CSMD1: variants seen among roughly 807,000 people sequenced by gnomAD.
CSMD1 encodes the protein CUB and Sushi multiple domains 1, also known as CUB and sushi domain-containing protein 1.
A neutral mutation model predicts 417.5 loss-of-function variants in CSMD1; 213 were observed. The ratio of observed to expected loss-of-function variants is 0.51; its 90% CI spans 0.46 to 0.57. The LOEUF (loss-of-function observed/expected upper bound fraction) is 0.57, where lower values mean the gene tolerates loss of function less well. Ranked by LOEUF, CSMD1 falls within the 20% of genes least tolerant of loss-of-function variation. CSMD1 has a pLI of 0.00. For missense variants in CSMD1, 6,923 were observed against 4,529.7 expected (o/e 1.53, Z -15.17); for synonymous variants, 2,862 against 1,736.8 (o/e 1.65, Z -16.11).
intron 3 of CSMD1, among the ~76,000 whole-genome samples, chr8:4,315,250 A>G (rs1798855433): frequency 6.6e-6 from 1 of 152,158 alleles, no homozygotes; most frequent in Admixed American, 6.5e-5. Context: ...CTTGAAGACC[A>G]GAGTGAGGTA....
At chr8:3,486,568 G>C (rs1298176807) in intron 11 of CSMD1, among the ~76,000 whole-genome samples, 2 of 152,190 alleles carry the variant, frequency 1.3e-5, no homozygotes, top group Non-Finnish European at 2.9e-5. Flanking sequence ...CTACACCTGT[G>C]ATAGAACAGC....
At chr8:3,211,915 C>G (rs756814548) in intron 30 of CSMD1, among the ~76,000 whole-genome samples, 6 of 152,186 alleles carry the variant, frequency 3.9e-5, no homozygotes, top group Admixed American at 6.5e-5. Flanking sequence ...GGTGGCAAGA[C>G]AAGAGGGGGT....
chr8:4,299,548 T>C (rs1797869522), intron 3 of CSMD1, among the ~76,000 whole-genome samples: 2 of 152,236 alleles, frequency 1.3e-5, no homozygotes, highest in Non-Finnish European at 2.9e-5. Context: ...AATCAGTTTC[T>C]AGCTTCTCAT....
chr8:3,680,182 G>C (rs1346448962), intron 7 of CSMD1, among the ~76,000 whole-genome samples: 2 of 151,964 alleles, frequency 1.3e-5, no homozygotes, highest in South Asian at 4.1e-4. Flanking sequence ...AAACAACTCA[G>C]ATCAGAGCAG....
chr8:4,973,423 C>T (rs13282478), intron 1 of CSMD1, among the ~76,000 whole-genome samples: 38,651 of 151,910 alleles, frequency 0.25, 6,232 homozygotes, highest in Non-Finnish European at 0.37. Flanking sequence ...CATTACTTTC[C>T]CCAGTATGGG....
chr8:3,199,709 C>T lies in CSMD1; in HGVS notation c.5194+5G>A. 1.3e-6 allele frequency: 2 copies of T among 1,573,622 alleles called. No individual in the cohort carries two copies. The highest frequency in any genetic ancestry group is 1.7e-6 in the Non-Finnish European group (2 of 1,157,370). ...ACATGTGGAGACATGTGGAGTGACG[C>T]TTACCTTGATACACGAAGTGGAAGC... is the stretch of plus-strand genomic sequence containing the variant. On this transcript the variant is annotated splice_donor_5th_base_variant and intron_variant, in intron 33 of 69. Transcript: ENST00000635120.
At chr8:3,428,009 C>A (rs184229129) in intron 12 of CSMD1, among the ~76,000 whole-genome samples, 2 of 152,190 alleles carry the variant, frequency 1.3e-5, no homozygotes, top group African/African-American at 4.8e-5. Flanking sequence ...CCATGAAGAA[C>A]ATAGTAACTT....
intron 2 of CSMD1, among the ~76,000 whole-genome samples, chr8:4,540,322 A>T (rs551900276): frequency 6.6e-6 from 1 of 152,168 alleles, no homozygotes; most frequent in South Asian, 2.1e-4. Context: ...CCACTAAAAA[A>T]CTTTTCCATG....
At chr8:4,932,159 A>G (rs1807290854) in intron 1 of CSMD1, among the ~76,000 whole-genome samples, 1 of 152,214 alleles carries the variant, frequency 6.6e-6, no homozygotes. Flanking sequence ...AATTGATTAC[A>G]GCAATAGAGA....
chr8:4,830,372 G>GA (rs1800080014), intron 1 of CSMD1, among the ~76,000 whole-genome samples: 1 of 149,004 alleles, frequency 6.7e-6, no homozygotes, highest in African/African-American at 2.6e-5. Context: ...TGATGGCTGT[G>GA]AAAAAATAAC....
chr8:4,646,445 G>C (rs573711497), intron 1 of CSMD1, among the ~76,000 whole-genome samples: 1 of 152,056 alleles, frequency 6.6e-6, no homozygotes, highest in Non-Finnish European at 1.5e-5. Flanking sequence ...GTAGTAAAAT[G>C]TTTCCCTAAG....
chr8:4,114,568 T>TGTCAA (rs56165938), intron 3 of CSMD1, among the ~76,000 whole-genome samples: 2 of 151,816 alleles, frequency 1.3e-5, no homozygotes, highest in African/African-American at 4.8e-5. Context: ...AATAAATGCA[T>TGTCAA]AAGTCTATAG....
intron 50 of CSMD1, among the ~76,000 whole-genome samples, chr8:3,045,100 C>T (rs1811345863): frequency 6.6e-6 from 1 of 152,138 alleles, no homozygotes; most frequent in African/African-American, 2.4e-5. Context: ...CTCTTTTTTA[C>T]AAACTTTAAA....
intron 3 of CSMD1, among the ~76,000 whole-genome samples, chr8:4,372,857 A>C (rs1305320539): frequency 2.0e-5 from 3 of 152,226 alleles, no homozygotes; most frequent in African/African-American, 7.2e-5. Context: ...AGAAGACTAC[A>C]AAATTATTTA....
At chr8:4,167,064 G>GA (rs1261265867) in intron 3 of CSMD1, among the ~76,000 whole-genome samples, 4 of 151,922 alleles carry the variant, frequency 2.6e-5, no homozygotes, top group Admixed American at 6.6e-5. Flanking sequence ...ACGGGGAGGA[G>GA]AAAAAAACTT....
At chr8:3,467,064 CT>C (rs1474740071) in intron 12 of CSMD1, among the ~76,000 whole-genome samples, 1 of 152,154 alleles carries the variant, frequency 6.6e-6, no homozygotes, top group Non-Finnish European at 1.5e-5. Context: ...GAAAAGCCAT[CT>C]CAGGGTGGCT....
chr8:4,537,323 C>A (rs547827458), intron 2 of CSMD1, among the ~76,000 whole-genome samples: 1 of 152,220 alleles, frequency 6.6e-6, no homozygotes, highest in South Asian at 2.1e-4. Flanking sequence ...AAAGATGCGA[C>A]TTAATAAATG....
At chr8:4,078,231 C>G (rs370051041) in intron 3 of CSMD1, among the ~76,000 whole-genome samples, 1 of 151,750 alleles carries the variant, frequency 6.6e-6, no homozygotes, top group African/African-American at 2.4e-5. Context: ...AATTTTCTTA[C>G]ACATATAAAC....
intron 3 of CSMD1, among the ~76,000 whole-genome samples, chr8:4,056,659 A>G (rs1327893017): frequency 1.3e-5 from 2 of 151,848 alleles, no homozygotes; most frequent in African/African-American, 2.4e-5. Context: ...AGCATTAGGT[A>G]TATCTCCTCA....
Sources: gnomAD v4.1 joint callset for allele counts (sites outside exome capture counted in the v4.1 genomes callset) on GRCh38, gnomAD v4.1.1 for gene constraint, MANE v1.5 for transcripts, NCBI Gene and HGNC (gene_info 2026-07-23, HGNC 2026-07-21) for gene names.